The following SLX4IP variants were observed in gnomAD, a reference collection of about 807,000 sequenced individuals.
The protein encoded by SLX4IP is protein SLX4IP.
SLX4IP carries 34 observed loss-of-function variants against 32.9 expected under a neutral mutation model. That is an observed-to-expected ratio of 1.03 (90% CI 0.79 to 1.38). SLX4IP has a LOEUF of 1.38. Ranked by LOEUF, SLX4IP falls within the 40% of genes most tolerant of loss-of-function variation. The pLI is 0.00. For missense variants in SLX4IP, 444 were observed against 479.0 expected (o/e 0.93, Z 0.68); for synonymous variants, 172 against 171.7 (o/e 1.00, Z -0.01).
intron 2 of SLX4IP, among the ~76,000 whole-genome samples, chr20:10,517,533 C>G (rs752236719): frequency 6.6e-6 from 1 of 152,208 alleles, no homozygotes; most frequent in Non-Finnish European, 1.5e-5. Flanking sequence ...AGGTCAGGCT[C>G]TGGAGACAAA....
intron 2 of SLX4IP, among the ~76,000 whole-genome samples, chr20:10,522,703 G>C (rs985528670): frequency 1.3e-5 from 2 of 152,170 alleles, no homozygotes; most frequent in Non-Finnish European, 2.9e-5. Context: ...AGCCCAGCTG[G>C]CTGCTACTGG....
intron 2 of SLX4IP, among the ~76,000 whole-genome samples, chr20:10,537,952 C>A (rs992744522): frequency 6.6e-6 from 1 of 152,240 alleles, no homozygotes; most frequent in East Asian, 1.9e-4. Flanking sequence ...CTGTTAAAAG[C>A]TAACAGTGAT....
chr20:10,555,575 A>G (rs1043689625), intron 2 of SLX4IP, among the ~76,000 whole-genome samples: 1 of 152,242 alleles, frequency 6.6e-6, no homozygotes, highest in African/African-American at 2.4e-5. Context: ...AACAGCATAT[A>G]TATAGAATAT....
chr20:10,472,559 AT>A (rs1327335618), intron 2 of SLX4IP, among the ~76,000 whole-genome samples: 1 of 151,986 alleles, frequency 6.6e-6, no homozygotes, highest in Non-Finnish European at 1.5e-5. Context: ...TATTTAAGGG[AT>A]TTTTGTGTGC....
intron 1 of SLX4IP, among the ~76,000 whole-genome samples, chr20:10,452,233 T>G (rs1453354595): frequency 6.6e-6 from 1 of 151,956 alleles, no homozygotes; most frequent in Non-Finnish European, 1.5e-5. Context: ...AGTTTAGTAC[T>G]TAAGAATTGG....
intron 2 of SLX4IP, among the ~76,000 whole-genome samples, chr20:10,513,806 G>A (rs1183564592): frequency 6.6e-6 from 1 of 152,206 alleles, no homozygotes; most frequent in South Asian, 2.1e-4. Flanking sequence ...TGGCACTTAA[G>A]ATGTGCATCT....
rs559778871 is a variant in SLX4IP at position 10,620,777 on chromosome 20, G to A, written c.406-537G>A. 2.8e-4 allele frequency among the ~76,000 whole-genome samples: 42 copies of A among 152,226 alleles called. No homozygotes were observed. The South Asian group carries it at 5.0e-3, about 18-fold the overall frequency. ...TCACCGTGTTAGCCAGGATGGTCTC[G>A]ATCTCCTGACCTCGTGATCTGGCTG... is the stretch of plus-strand genomic sequence containing the variant. On this transcript the variant is annotated intron_variant, in intron 6 of 7. Transcript: ENST00000334534.
intron 6 of SLX4IP, among the ~76,000 whole-genome samples, chr20:10,617,625 C>CTTTCTTT (rs1410569265): frequency 2.1e-5 from 3 of 141,974 alleles, no homozygotes; most frequent in Non-Finnish European, 3.1e-5. Context: ...TTTTTTCTTT[C>CTTTCTTT]TTTCTTTCCT....
At chr20:10,572,151 G>A (rs186457545) in intron 4 of SLX4IP, among the ~76,000 whole-genome samples, 193 of 152,150 alleles carry the variant, frequency 1.3e-3, no homozygotes, top group African/African-American at 4.6e-3. Context: ...CCATTCCTAA[G>A]CTTTAGAACC....
At chr20:10,593,246 A>G (rs960535733) in intron 4 of SLX4IP, among the ~76,000 whole-genome samples, 29 of 152,236 alleles carry the variant, frequency 1.9e-4, no homozygotes, top group Admixed American at 9.2e-4. Context: ...CAAATCCATA[A>G]TTTTATTTCT....
chr20:10,558,885 G>T (rs1278579135), intron 3 of SLX4IP, among the ~76,000 whole-genome samples: 1 of 152,184 alleles, frequency 6.6e-6, no homozygotes, highest in Non-Finnish European at 1.5e-5. Context: ...CTATCACACT[G>T]CACTTGGTCT....
intron 2 of SLX4IP, among the ~76,000 whole-genome samples, chr20:10,459,505 C>T (rs188343488): frequency 4.6e-5 from 7 of 152,278 alleles, no homozygotes; most frequent in East Asian, 3.9e-4. Flanking sequence ...GGTTATGAGG[C>T]GTTCCTTGCT....
chr20:10,532,548 T>G (rs981204965), intron 2 of SLX4IP, among the ~76,000 whole-genome samples: 1 of 152,120 alleles, frequency 6.6e-6, no homozygotes, highest in Non-Finnish European at 1.5e-5. Flanking sequence ...TGTTGTCATG[T>G]GGACGATTTC....
At chr20:10,571,027 C>T (rs184316915) in intron 4 of SLX4IP, among the ~76,000 whole-genome samples, 1 of 152,092 alleles carries the variant, frequency 6.6e-6, no homozygotes, top group East Asian at 1.9e-4. Flanking sequence ...GAGATGGAGT[C>T]TCACGATGTT....
At chr20:10,474,770 G>A (rs946974486) in intron 2 of SLX4IP, among the ~76,000 whole-genome samples, 1 of 152,236 alleles carries the variant, frequency 6.6e-6, no homozygotes, top group Non-Finnish European at 1.5e-5. Flanking sequence ...TCTAATCGGG[G>A]CTGCTGAATC....
chr20:10,530,199 T>G (rs1013264407), intron 2 of SLX4IP, among the ~76,000 whole-genome samples: 2 of 152,232 alleles, frequency 1.3e-5, no homozygotes, highest in African/African-American at 4.8e-5. Context: ...TCAGACGTAC[T>G]GGTTGGAGAT....
chr20:10,466,969 T>C (rs1012690670), intron 2 of SLX4IP, among the ~76,000 whole-genome samples: 15 of 152,214 alleles, frequency 9.9e-5, no homozygotes, highest in Admixed American at 8.5e-4. Flanking sequence ...AGTCTTCACA[T>C]TCCTTAGAAC....
rs905505062 is a variant in SLX4IP at position 10,625,383 on chromosome 20, A to T, written c.*2004A>T. The T allele has an allele frequency of 5.9e-5, 9 of 152,338 alleles. No homozygotes were observed. The highest frequency in any genetic ancestry group is 5.9e-4 in the Admixed American group (9 of 15,304). The allele number at this position is 152,338 out of a possible 1,614,324, so 9.4% of individuals were successfully genotyped here. A position where few individuals can be genotyped will look rare whatever the true frequency, so the allele number is the denominator to read the frequency against. ...GAATTAAAAAGACGGCTGTACTAGA[A>T]CAGTAGCCACTGCCTGCTCCAGAAC... is the stretch of plus-strand genomic sequence containing the variant. On this transcript the variant is annotated 3_prime_UTR_variant, in exon 8 of 8. Transcript: ENST00000334534.
intron 4 of SLX4IP, among the ~76,000 whole-genome samples, chr20:10,591,417 G>C (rs1199250155): frequency 1.3e-5 from 2 of 152,254 alleles, no homozygotes; most frequent in East Asian, 3.9e-4. Flanking sequence ...AGTTGAAATG[G>C]ATTCCCTGCA....
Sources: allele counts gnomAD v4.1 joint callset (sites outside exome capture counted in the v4.1 genomes callset), GRCh38; gene constraint gnomAD v4.1.1; transcripts MANE v1.5; gene names NCBI Gene and HGNC (gene_info 2026-07-23, HGNC 2026-07-21).